GALNT17: variants seen among roughly 807,000 people sequenced by gnomAD.
GALNT17 encodes the protein UDP-GalNAc:polypeptide N-acetylgalactosaminyltransferase-like 3.
GALNT17 carries 29 observed loss-of-function variants against 63.7 expected under a neutral mutation model. That is an observed-to-expected ratio of 0.46 (90% CI 0.34 to 0.62). The LOEUF is 0.62. GALNT17 is among the 20% of genes least tolerant of loss of function. The pLI is 0.01. For missense variants in GALNT17, 603 were observed against 799.6 expected, an observed-to-expected ratio of 0.75 and a Z score of 2.97; for synonymous variants, 305 against 318.3, an observed-to-expected ratio of 0.96 and a Z score of 0.45.
chr7:71,180,044 A>C (rs1788708237), intron 1 of GALNT17, among the ~76,000 whole-genome samples: 1 of 152,184 alleles, frequency 6.6e-6, no homozygotes, highest in Admixed American at 6.5e-5. Context: ...AACTGTACTT[A>C]TTTAAAGCAT....
intron 5 of GALNT17, among the ~76,000 whole-genome samples, chr7:71,513,651 G>T (rs527255272): frequency 9.2e-4 from 140 of 151,896 alleles, no homozygotes; most frequent in African/African-American, 3.2e-3. Context: ...CTCCCAAAGT[G>T]CTGAGTCTAC....
At chr7:71,223,804 A>C (rs1235960832) in intron 1 of GALNT17, among the ~76,000 whole-genome samples, 1 of 152,132 alleles carries the variant, frequency 6.6e-6, no homozygotes, top group African/African-American at 2.4e-5. Context: ...ATTAGTGAGA[A>C]CATGTGGTAT....
At chr7:71,536,926 C>A (rs963243033) in intron 5 of GALNT17, among the ~76,000 whole-genome samples, 6 of 152,152 alleles carry the variant, frequency 3.9e-5, no homozygotes, top group Non-Finnish European at 8.8e-5. Flanking sequence ...CCTTCCCCAG[C>A]CCCTGCACAG....
rs541592735 is a variant in GALNT17, at chr7:71,278,487, C to T, written c.239-57063C>T. On this transcript the variant is annotated intron_variant, in intron 1 of 10. Transcript: ENST00000333538. ...CATTTGGCTTGTAGCTGCATTACTC[C>T]AATCTCTGCCTCTGTCTTCACATGA... 2.6e-5 allele frequency among the ~76,000 whole-genome samples: 4 copies of T among 152,338 alleles called. No homozygotes were observed. The East Asian group carries it at 5.8e-4, about 22-fold the overall frequency.
At chr7:71,537,135 T>G (rs1344921370) in intron 5 of GALNT17, among the ~76,000 whole-genome samples, 1 of 152,250 alleles carries the variant, frequency 6.6e-6, no homozygotes, top group Non-Finnish European at 1.5e-5. Context: ...AGCTTTCTCC[T>G]AAATTGATCT....
chr7:71,395,829 AT>A (rs1197533920), intron 3 of GALNT17, among the ~76,000 whole-genome samples: 1 of 152,106 alleles, frequency 6.6e-6, no homozygotes, highest in African/African-American at 2.4e-5. Context: ...TTGGATTTGC[AT>A]TTCCCTAATG....
chr7:71,492,075 A>C (rs1449347340), intron 5 of GALNT17, among the ~76,000 whole-genome samples: 1 of 152,064 alleles, frequency 6.6e-6, no homozygotes, highest in Non-Finnish European at 1.5e-5. Context: ...AGGTCAGGAG[A>C]TCGAGACCAT....
chr7:71,531,474 A>G (rs1788719540), intron 5 of GALNT17, among the ~76,000 whole-genome samples: 2 of 152,232 alleles, frequency 1.3e-5, no homozygotes, highest in African/African-American at 4.8e-5. Context: ...AGCTGCACAC[A>G]TACTAGTAGT....
At chr7:71,652,208 G>C (rs948259931) in intron 6 of GALNT17, among the ~76,000 whole-genome samples, 1 of 151,814 alleles carries the variant, frequency 6.6e-6, no homozygotes, top group East Asian at 1.9e-4. Flanking sequence ...GCCAGTCAAT[G>C]ACTTGCATTG....
intron 6 of GALNT17, among the ~76,000 whole-genome samples, chr7:71,656,874 T>A (rs1790836418): frequency 6.6e-6 from 1 of 152,180 alleles, no homozygotes; most frequent in Non-Finnish European, 1.5e-5. Flanking sequence ...ACACTGTCTT[T>A]CTGCTCCGGG....
chr7:71,191,069 A>G (rs1257838016), intron 1 of GALNT17, among the ~76,000 whole-genome samples: 1 of 152,078 alleles, frequency 6.6e-6, no homozygotes, highest in Non-Finnish European at 1.5e-5. Context: ...TTGAGATGTA[A>G]TTTACATACA....
chr7:71,197,817 A>T (rs1006579513), intron 1 of GALNT17, among the ~76,000 whole-genome samples: 2 of 152,102 alleles, frequency 1.3e-5, no homozygotes, highest in African/African-American at 4.8e-5. Context: ...TACTGTGTAT[A>T]TGTATCAAGA....
chr7:71,404,890 T>G (rs1793301310), intron 3 of GALNT17, among the ~76,000 whole-genome samples: 1 of 152,216 alleles, frequency 6.6e-6, no homozygotes, highest in African/African-American at 2.4e-5. Flanking sequence ...CTGCCTCAAG[T>G]CCAGAGCCTG....
chr7:71,202,653 A>AT (rs1224988856), intron 1 of GALNT17, among the ~76,000 whole-genome samples: 2 of 152,274 alleles, frequency 1.3e-5, no homozygotes, highest in Admixed American at 6.5e-5. Context: ...AACATTTAAA[A>AT]CCTACTCTCT....
At chr7:71,581,608 T>A (rs1177168749) in intron 6 of GALNT17, among the ~76,000 whole-genome samples, 1 of 152,002 alleles carries the variant, frequency 6.6e-6, no homozygotes, top group East Asian at 1.9e-4. Flanking sequence ...ACGATGGGAT[T>A]TGGGTGGGGA....
chr7:71,557,053 A>ATTT (rs555277982), intron 5 of GALNT17, among the ~76,000 whole-genome samples: 1 of 136,666 alleles, frequency 7.3e-6, no homozygotes, highest in African/African-American at 2.7e-5. Flanking sequence ...AACCCAGCTA[A>ATTT]TTTTTTTTTT....
At chr7:71,407,187 G>T (rs1442434759) in intron 3 of GALNT17, among the ~76,000 whole-genome samples, 1 of 152,150 alleles carries the variant, frequency 6.6e-6, no homozygotes, top group African/African-American at 2.4e-5. Context: ...AGGAACTCAA[G>T]TCCCATCAGG....
intron 1 of GALNT17, among the ~76,000 whole-genome samples, chr7:71,332,919 C>G (rs1023590838): frequency 1.3e-5 from 2 of 152,134 alleles, no homozygotes; most frequent in Non-Finnish European, 2.9e-5. Flanking sequence ...AACTCCTGAC[C>G]TCAAGTGATC....
At chr7:71,559,678 A>G (rs923510458) in intron 5 of GALNT17, among the ~76,000 whole-genome samples, 2 of 152,116 alleles carry the variant, frequency 1.3e-5, no homozygotes, top group African/African-American at 4.8e-5. Flanking sequence ...CCTGGGCAAC[A>G]GAGTGGGACC....
Sources: gnomAD v4.1 joint callset for allele counts (sites outside exome capture counted in the v4.1 genomes callset) on GRCh38, gnomAD v4.1.1 for gene constraint, MANE v1.5 for transcripts, NCBI Gene and HGNC (gene_info 2026-07-23, HGNC 2026-07-21) for gene names.